ZFPM2: variants seen among roughly 807,000 people sequenced by gnomAD.
The protein encoded by ZFPM2 is zinc finger protein, FOG family member 2.
Under a neutral mutation model 98.6 loss-of-function variants are expected in ZFPM2, and 20 were observed. The ratio of observed to expected loss-of-function variants is 0.20; its 90% CI spans 0.14 to 0.29. The LOEUF is 0.29. ZFPM2 is among the 10% of genes least tolerant of loss of function. ZFPM2 has a pLI of 1.00. For missense variants in ZFPM2, 1,310 were observed against 1,388.6 expected, an observed-to-expected ratio of 0.94 and a Z score of 0.90; for synonymous variants, 518 against 502.7, an observed-to-expected ratio of 1.03 and a Z score of -0.41.
intron 6 of ZFPM2, chr8:105,796,769 A>AAAT (rs1177389091): frequency 3.3e-5 from 5 of 152,136 alleles, no homozygotes; most frequent in Non-Finnish European, 7.4e-5. Flanking sequence ...TTTCTTACAG[A>AAAT]AATATCAGAT....
chr8:105,330,567 T>TATACATATATATAC (rs1438278015), intron 1 of ZFPM2, among the ~76,000 whole-genome samples: 1 of 71,970 alleles, frequency 1.4e-5, no homozygotes, highest in Non-Finnish European at 2.9e-5. Context: ...TATATATATA[T>TATACATATATATAC]ACATATATAT....
chr8:105,734,838 C>T (rs1812030989), intron 5 of ZFPM2, among the ~76,000 whole-genome samples: 1 of 151,080 alleles, frequency 6.6e-6, no homozygotes, highest in African/African-American at 2.4e-5. Context: ...TTATTACATA[C>T]TCAAAAACTA....
At chr8:105,435,919 A>G (rs907094839) in intron 2 of ZFPM2, among the ~76,000 whole-genome samples, 2 of 152,216 alleles carry the variant, frequency 1.3e-5, no homozygotes, top group Non-Finnish European at 2.9e-5. Context: ...AAACATTACC[A>G]TAAAAATAAG....
chr8:105,789,030 G>A (rs769704544), intron 6 of ZFPM2, 106 bp downstream of exon 6: 1 of 858,792 alleles, frequency 1.2e-6, no homozygotes, highest in Non-Finnish European at 1.7e-6. Flanking sequence ...TTCCTTCAGT[G>A]TTGTGGTTTC....
intron 4 of ZFPM2, among the ~76,000 whole-genome samples, chr8:105,571,289 A>G (rs1815349486): frequency 6.6e-6 from 1 of 152,248 alleles, no homozygotes; most frequent in African/African-American, 2.4e-5. Context: ...TGAAGGCCTA[A>G]GGTGGAAGTG....
intron 4 of ZFPM2, among the ~76,000 whole-genome samples, chr8:105,603,953 C>G (rs1292273435): frequency 1.3e-5 from 2 of 151,902 alleles, no homozygotes; most frequent in South Asian, 4.1e-4. Flanking sequence ...TCCAGGACTC[C>G]GGTCTATTCT....
At chr8:105,704,001 G>A (rs1483365691) in intron 5 of ZFPM2, among the ~76,000 whole-genome samples, 2 of 152,038 alleles carry the variant, frequency 1.3e-5, no homozygotes, top group East Asian at 1.9e-4. Context: ...GGGCAAGCAG[G>A]TAATAAATCC....
chr8:105,659,344 C>A (rs936098172), intron 5 of ZFPM2, among the ~76,000 whole-genome samples: 3 of 152,082 alleles, frequency 2.0e-5, no homozygotes, highest in African/African-American at 7.2e-5. Context: ...ACCTTCAACT[C>A]TGAAAGTATG....
chr8:105,431,067 A>T (rs540225279), intron 2 of ZFPM2, among the ~76,000 whole-genome samples: 1 of 151,668 alleles, frequency 6.6e-6, no homozygotes, highest in South Asian at 2.1e-4. Flanking sequence ...CCATGCCTGG[A>T]TAATTTTTTT....
At chr8:105,620,393 T>G (rs988469165) in intron 4 of ZFPM2, among the ~76,000 whole-genome samples, 3 of 152,206 alleles carry the variant, frequency 2.0e-5, no homozygotes, top group African/African-American at 7.2e-5. Context: ...GATTTTTTCT[T>G]GTAAATTTGT....
chr8:105,695,742 G>A (rs542536685), intron 5 of ZFPM2, among the ~76,000 whole-genome samples: 6 of 152,038 alleles, frequency 3.9e-5, no homozygotes, highest in Non-Finnish European at 8.8e-5. Context: ...CAGAAAATAG[G>A]TAAATGTACT....
At chr8:105,694,018 A>G (rs1810956155) in intron 5 of ZFPM2, among the ~76,000 whole-genome samples, 1 of 123,330 alleles carries the variant, frequency 8.1e-6, no homozygotes, top group Non-Finnish European at 1.6e-5. Context: ...GGAGTCTCAC[A>G]CTCTGTTGCC....
chr8:105,429,466 G>T (rs1409197724), intron 2 of ZFPM2, among the ~76,000 whole-genome samples: 1 of 135,836 alleles, frequency 7.4e-6, no homozygotes, highest in African/African-American at 3.7e-5. Flanking sequence ...ATATATATAT[G>T]GAAATAGTGT....
At chr8:105,368,640 C>A (rs1409382749) in intron 1 of ZFPM2, among the ~76,000 whole-genome samples, 2 of 152,100 alleles carry the variant, frequency 1.3e-5, no homozygotes, top group Non-Finnish European at 2.9e-5. Flanking sequence ...GTTTCTTCCT[C>A]CCCAGATCCT....
rs1442320 is a variant in ZFPM2 at position 105,803,058 on chromosome 8, T to C, written c.2976T>C (p.Tyr992=). The change falls in exon 8 of 8, where the codon TAT becomes TAC. Residue 992 remains tyrosine, a synonymous_variant. Coordinates refer to ENST00000407775, the MANE Select transcript of ZFPM2 (RefSeq NM_012082.4). ...SPYYGIKPSD[Y]ISGSLVIHNT... is the part of the protein sequence containing the mutation. ...ATTATGGAATCAAGCCAAGTGATTA[T>C]ATTTCTGGTTCTCTTGTCATCCATA... 48,042 of 1,613,690 alleles carry C rather than the reference T, an allele frequency of 0.03. 1,358 individuals are homozygous for C. Among genetic ancestry groups the C allele is most frequent in the African/African-American group, 0.14 (10,352 of 74,994 alleles).
chr8:105,544,745 A>G (rs1171467757), intron 3 of ZFPM2, among the ~76,000 whole-genome samples: 1 of 152,212 alleles, frequency 6.6e-6, no homozygotes, highest in Admixed American at 6.5e-5. Flanking sequence ...TGACCCCCCA[A>G]ATGCAAGATG....
At chr8:105,525,461 G>A (rs749928285) in intron 3 of ZFPM2, among the ~76,000 whole-genome samples, 26 of 152,200 alleles carry the variant, frequency 1.7e-4, no homozygotes, top group Admixed American at 4.6e-4. Context: ...TATGAAAATA[G>A]TAGGCTCATT....
intron 1 of ZFPM2, among the ~76,000 whole-genome samples, chr8:105,413,539 G>A (rs1208681276): frequency 6.8e-6 from 1 of 146,546 alleles, no homozygotes; most frequent in African/African-American, 2.5e-5. Flanking sequence ...TATATATCTC[G>A]TGTTTAAATA....
chr8:105,625,443 C>A (rs1816633825), intron 4 of ZFPM2, among the ~76,000 whole-genome samples: 1 of 152,036 alleles, frequency 6.6e-6, no homozygotes, highest in Admixed American at 6.6e-5. Flanking sequence ...AAGGACATCC[C>A]AATTTAATTC....
Sources: gnomAD v4.1 joint callset for allele counts (sites outside exome capture counted in the v4.1 genomes callset) on GRCh38, gnomAD v4.1.1 for gene constraint, MANE v1.5 for transcripts, NCBI Gene and HGNC (gene_info 2026-07-23, HGNC 2026-07-21) for gene names.